RBFOX1: variants seen among roughly 807,000 people sequenced by gnomAD.
RBFOX1 encodes RNA binding fox-1 homolog 1.
Under a neutral mutation model 57.7 loss-of-function variants are expected in RBFOX1, and 8 were observed. That is an observed-to-expected ratio of 0.14 (90% CI 0.08 to 0.25). RBFOX1 has a LOEUF of 0.25. Ranked by LOEUF, RBFOX1 falls within the 10% of genes least tolerant of loss-of-function variation. RBFOX1 has a pLI of 1.00. For missense variants in RBFOX1, 611 were observed against 548.5 expected (o/e 1.11, Z -1.14); for synonymous variants, 326 against 222.4 (o/e 1.47, Z -4.15).
In RBFOX1 at chr16:6,997,495, G is replaced by A. The variant is rs188522271; in HGVS notation, c.-15-54562G>A. Among the ~76,000 whole-genome samples, 24 of 152,204 alleles carry A rather than the reference G, an allele frequency of 1.6e-4. No individual in the cohort carries two copies. In the South Asian group the frequency reaches 1.9e-3, roughly 12 times the overall value. ...AAGTTAATGTTAACAATTTTAATTTGTATCTTTTAATTGTTGAAGTCTGAA... is the reference window on the plus strand; with the variant it reads ...AAGTTAATGTTAACAATTTTAATTTATATCTTTTAATTGTTGAAGTCTGAA... On this transcript the variant is annotated intron_variant, in intron 3 of 15. Coordinates refer to ENST00000550418, the MANE Select transcript of RBFOX1 (RefSeq NM_018723.4).
rs573364290 is a variant in RBFOX1, at chr16:6,822,900, T to A, written c.-16+168250T>A. 1.5e-4 allele frequency among the ~76,000 whole-genome samples: 23 copies of A among 152,330 alleles called. No individual in the cohort carries two copies. The South Asian group carries it at 4.8e-3, about 32-fold the overall frequency. ...TTCACATAAAGGGCATGCATTAATA[T>A]TAACAAGTGCGTGCTGCTGCAGCAG... is the stretch of plus-strand genomic sequence containing the variant. On this transcript the variant is annotated intron_variant, in intron 3 of 15. Coordinates refer to ENST00000550418, the MANE Select transcript of RBFOX1 (RefSeq NM_018723.4).
chr16:5,657,619 TC>T (rs2049473321), intron 3 of RBFOX1, among the ~76,000 whole-genome samples: 1 of 82,770 alleles, frequency 1.2e-5, no homozygotes, highest in Non-Finnish European at 2.2e-5. Flanking sequence ...TTTCTTTCTT[TC>T]TCTCTTTCTT....
At chr16:5,956,676 A>ATTTTT (rs1416211761) in intron 4 of RBFOX1, among the ~76,000 whole-genome samples, 1,155 of 103,972 alleles carry the variant, frequency 0.011, 33 homozygotes, top group African/African-American at 0.038. Flanking sequence ...ATATATATAT[A>ATTTTT]TATTTTTTTT....
chr16:6,455,149 T>C (rs866754994), intron 2 of RBFOX1, among the ~76,000 whole-genome samples: 1 of 151,494 alleles, frequency 6.6e-6, no homozygotes, highest in Non-Finnish European at 1.5e-5. Context: ...CGCCCTGGCC[T>C]CCCAAAGTGC....
At chr16:6,966,709 A>T (rs548831968) in intron 3 of RBFOX1, among the ~76,000 whole-genome samples, 3 of 152,172 alleles carry the variant, frequency 2.0e-5, no homozygotes, top group East Asian at 3.9e-4. Context: ...GATCTAAATT[A>T]CACCTGTGAT....
chr16:7,671,655 A>G, intron 13 of RBFOX1: 1 of 1,464,482 alleles, frequency 6.8e-7, no homozygotes, highest in Non-Finnish European at 9.6e-7. Flanking sequence ...GTTTGCTGTG[A>G]AATCCTTACT....
At chr16:7,529,910 G>C (rs535504132) in intron 5 of RBFOX1, among the ~76,000 whole-genome samples, 2 of 151,352 alleles carry the variant, frequency 1.3e-5, no homozygotes, top group Non-Finnish European at 2.9e-5. Flanking sequence ...TTGGGAGGCG[G>C]AGGCAGGAGA....
intron 1 of RBFOX1, among the ~76,000 whole-genome samples, chr16:5,448,578 C>G (rs1389913380): frequency 1.3e-5 from 2 of 152,134 alleles, no homozygotes; most frequent in African/African-American, 4.8e-5. Flanking sequence ...GGTGAAGACC[C>G]CATGGAACTG....
At chr16:7,094,093 C>G (rs2061306577) in intron 4 of RBFOX1, among the ~76,000 whole-genome samples, 1 of 150,030 alleles carries the variant, frequency 6.7e-6, no homozygotes, top group African/African-American at 2.5e-5. Context: ...GTGAAATAGC[C>G]CTTCTCTTCT....
At chr16:6,650,889 G>C (rs949208101) in intron 2 of RBFOX1, among the ~76,000 whole-genome samples, 2 of 151,972 alleles carry the variant, frequency 1.3e-5, no homozygotes, top group Non-Finnish European at 2.9e-5. Context: ...AATGTTTTTT[G>C]GTTGTTTAAT....
At chr16:5,402,896 A>G (rs562485713) in intron 1 of RBFOX1, among the ~76,000 whole-genome samples, 2 of 152,342 alleles carry the variant, frequency 1.3e-5, no homozygotes, top group South Asian at 4.1e-4. Context: ...CAAGAGAGAT[A>G]ATTAACAACC....
At chr16:6,748,708 C>T (rs533169582) in intron 3 of RBFOX1, among the ~76,000 whole-genome samples, 1 of 152,208 alleles carries the variant, frequency 6.6e-6, no homozygotes, top group African/African-American at 2.4e-5. Context: ...ACTTGTTATG[C>T]ATGTATGAAC....
rs572654593 is a variant in RBFOX1 at position 7,380,536 on chromosome 16, A to C, written c.28-137611A>C. On this transcript the variant is annotated intron_variant, in intron 4 of 15. Transcript: ENST00000550418. ...TCTTTCAGTGTACTGTAATTTAAAC[A>C]ACCAGTTTCCCTATTGATAGACATT... Among the ~76,000 whole-genome samples, 36 of 152,328 alleles carry C rather than the reference A, an allele frequency of 2.4e-4. No homozygotes were observed. The South Asian group carries it at 7.2e-3, about 31-fold the overall frequency.
At chr16:6,071,942 A>G (rs977168183) in intron 1 of RBFOX1, among the ~76,000 whole-genome samples, 2 of 152,234 alleles carry the variant, frequency 1.3e-5, no homozygotes, top group African/African-American at 2.4e-5. Flanking sequence ...ATAATATTCC[A>G]TTGTATGTAT....
At chr16:5,586,961 A>G (rs1413983773) in intron 2 of RBFOX1, among the ~76,000 whole-genome samples, 2 of 152,190 alleles carry the variant, frequency 1.3e-5, no homozygotes, top group Non-Finnish European at 1.5e-5. Context: ...TTGTGTTGTC[A>G]TTGAACCTTC....
intron 4 of RBFOX1, among the ~76,000 whole-genome samples, chr16:7,391,376 A>G (rs75982548): frequency 0.017 from 2,636 of 152,266 alleles, 81 homozygotes; most frequent in African/African-American, 0.061. Context: ...AAGGATACCA[A>G]TTATAGGGGT....
At chr16:6,222,219 C>T (rs1050128803) in intron 1 of RBFOX1, among the ~76,000 whole-genome samples, 29 of 152,104 alleles carry the variant, frequency 1.9e-4, no homozygotes, top group African/African-American at 7.0e-4. Context: ...AAATAACTCT[C>T]GTGGGTCTTT....
At chr16:7,504,652 A>C (rs2072169683) in intron 4 of RBFOX1, among the ~76,000 whole-genome samples, 1 of 138,914 alleles carries the variant, frequency 7.2e-6, no homozygotes. Context: ...CTTATCTGTG[A>C]AGTGGGTGTG....
chr16:6,277,577 G>T (rs532359821), intron 1 of RBFOX1, among the ~76,000 whole-genome samples: 1 of 150,490 alleles, frequency 6.6e-6, no homozygotes, highest in South Asian at 2.1e-4. Context: ...TTGGAGATCA[G>T]CCTGGGCAAT....
Sources: allele counts gnomAD v4.1 joint callset (sites outside exome capture counted in the v4.1 genomes callset), GRCh38; gene constraint gnomAD v4.1.1; transcripts MANE v1.5; gene names NCBI Gene and HGNC (gene_info 2026-07-23, HGNC 2026-07-21).